The following ICE1 variants were observed in gnomAD, a reference collection of about 807,000 sequenced individuals.
ICE1 encodes the protein little elongation complex subunit 1.
A neutral mutation model predicts 192.7 loss-of-function variants in ICE1; 64 were observed. That is an observed-to-expected ratio of 0.33 (90% confidence interval 0.27 to 0.41). The LOEUF (loss-of-function observed/expected upper bound fraction) is 0.41, where lower values mean the gene tolerates loss of function less well. Ranked by LOEUF, ICE1 falls within the 10% of genes least tolerant of loss-of-function variation. The probability of loss-of-function intolerance (pLI) is 1.00; values close to 1 mark genes in which losing one functional copy is unlikely to be tolerated. For synonymous variants in ICE1, 1,010 were observed against 984.5 expected (o/e 1.03, Z -0.49); for missense variants, 2,708 against 2,696.0 (o/e 1.00, Z -0.10).
At chr5:5,438,362 C>G (rs1301547795) in intron 3 of ICE1, among the ~76,000 whole-genome samples, 1 of 152,184 alleles carries the variant, frequency 6.6e-6, no homozygotes, top group African/African-American at 2.4e-5. Flanking sequence ...ACCATATCAT[C>G]ATTTCTAATT....
At chr5:5,479,757 A>G (rs776526447) in intron 17 of ICE1, among the ~76,000 whole-genome samples, 10 of 152,230 alleles carry the variant, frequency 6.6e-5, no homozygotes, top group Non-Finnish European at 1.3e-4. Context: ...ATGGAATACT[A>G]TGCAGCCATA....
Position 5,468,904 on chromosome 5 carries a change from T to C in ICE1, c.6138T>C (p.Ile2046=), listed in dbSNP as rs750077791. 1.2e-6 allele frequency: 2 copies of C among 1,607,360 alleles called. No individual in the cohort carries two copies. Among genetic ancestry groups the C allele is most frequent in the Admixed American group, 1.7e-5 (1 of 58,710 alleles). The change falls in exon 15 of 19, where the codon ATT becomes ATC. Residue 2046 remains isoleucine, a synonymous_variant. Transcript: ENST00000296564. ...ATATATTTCTCTCTCAATCGGTGAT[T>C]AATAAAGCAATGCAGTTAGTTGCCA... is the stretch of plus-strand genomic sequence containing the variant. ...WHDIFLSQSV[I]NKAMQLVARQ...
At chr5:5,437,972 T>A (rs1737921247) in intron 3 of ICE1, 1 of 152,252 alleles carries the variant, frequency 6.6e-6, no homozygotes, top group African/African-American at 2.4e-5. Flanking sequence ...AGTTATTTAT[T>A]TGTGTTGGTA....
intron 14 of ICE1, among the ~76,000 whole-genome samples, chr5:5,468,028 A>G (rs572948853): frequency 1.3e-5 from 2 of 152,222 alleles, no homozygotes; most frequent in Non-Finnish European, 2.9e-5. Flanking sequence ...CAGCAGGTGA[A>G]TGGAAAACAT....
intron 15 of ICE1, among the ~76,000 whole-genome samples, chr5:5,473,294 T>C (rs1056070699): frequency 6.6e-6 from 1 of 152,238 alleles, no homozygotes; most frequent in African/African-American, 2.4e-5. Context: ...TGTGCTTTCC[T>C]ATCTGGATTA....
intron 10 of ICE1, among the ~76,000 whole-genome samples, chr5:5,448,674 T>C (rs1374463572): frequency 2.0e-5 from 3 of 152,238 alleles, no homozygotes; most frequent in Admixed American, 6.5e-5. Context: ...TTTCTCCAAG[T>C]GGAAATGATT....
At position 5,463,476 on chromosome 5, in the gene ICE1, C is replaced by G. The variant is rs865880584; in HGVS notation, c.4142C>G (p.Ser1381Cys). Reference sequence around the variant, plus strand: ...TGCTCTGACTCTGTGATGGAGCCATCCATAGAGCAAAGTTCTAACTGCGAG... The same window carrying G: ...TGCTCTGACTCTGTGATGGAGCCATGCATAGAGCAAAGTTCTAACTGCGAG... ...ALCSDSVMEPSIEQSSNCEAE... is the reference protein window; with the variant it reads ...ALCSDSVMEPCIEQSSNCEAE... The change falls in exon 13 of 19, where the codon TCC (serine) becomes TGC (cysteine). Residue 1381 changes from serine (S) to cysteine (C), a missense_variant. Physicochemically the swap from Ser to Cys is moderately radical, Grantham distance 112 (BLOSUM62 -1). Transcript: ENST00000296564. The G allele has an allele frequency of 6.8e-6, 11 of 1,612,724 alleles. No homozygotes were observed. The highest frequency in any genetic ancestry group is 9.3e-6 in the Non-Finnish European group (11 of 1,179,408).
intron 18 of ICE1, among the ~76,000 whole-genome samples, chr5:5,487,907 G>C (rs1293702902): frequency 6.6e-6 from 1 of 152,296 alleles, no homozygotes; most frequent in East Asian, 1.9e-4. Context: ...TGTCCTTCTT[G>C]TATACAGGAG....
At chr5:5,424,635 G>A (rs182115331) in intron 1 of ICE1, among the ~76,000 whole-genome samples, 1 of 152,192 alleles carries the variant, frequency 6.6e-6, no homozygotes, top group Non-Finnish European at 1.5e-5. Flanking sequence ...TTGATGAATT[G>A]AACAGAGATG....
In ICE1 at chr5:5,464,970, A is replaced by C. The variant is rs771200294; in HGVS notation, c.5636A>C (p.Glu1879Ala). ...CTCCCAGGGAACCTCCCTCCAGCTG[A>C]AGTTGCAACAACAAATGAGGAAAGA... is the stretch of plus-strand genomic sequence containing the variant. ...KNLPGNLPPAEVATTNEERSC... is the reference protein window; with the variant it reads ...KNLPGNLPPAAVATTNEERSC... The change falls in exon 13 of 19, where the codon GAA becomes GCA. Residue 1879 changes from glutamate to alanine, a missense_variant. Coordinates refer to ENST00000296564, the MANE Select transcript of ICE1 (RefSeq NM_015325.3). This position sits in a 1 kb window ranked among gnomAD's most constrained non-coding sequence, Gnocchi z 4.0. 3.1e-6 allele frequency: 5 copies of C among 1,613,818 alleles called. No individual in the cohort carries two copies. The highest frequency in any genetic ancestry group is 4.5e-5 in the East Asian group (2 of 44,876).
chr5:5,476,357 A>C (rs1293940126), intron 17 of ICE1, among the ~76,000 whole-genome samples: 1 of 152,160 alleles, frequency 6.6e-6, no homozygotes, highest in Non-Finnish European at 1.5e-5. Context: ...AAAGACTAGG[A>C]TATATAAGTC....
chr5:5,458,000 G>T (rs1242034475), intron 12 of ICE1, among the ~76,000 whole-genome samples: 1 of 152,128 alleles, frequency 6.6e-6, no homozygotes, highest in African/African-American at 2.4e-5. Context: ...GTTTTCTATA[G>T]GAAGGCTGTG....
rs1214308454 is a variant in ICE1, at chr5:5,425,501, A to G, written c.84+2502A>G. On this transcript the variant is annotated intron_variant, in intron 1 of 18. Transcript: ENST00000296564. ...AGTTTACAGAGTTCTTCTCTAGGTC[A>G]GGACACTATTGCATTTGGATTTTCT... Among the ~76,000 whole-genome samples, 5 of 152,248 alleles carry G rather than the reference A, an allele frequency of 3.3e-5. No homozygotes were observed. In the South Asian group the frequency reaches 6.2e-4, roughly 19 times the overall value.
chr5:5,483,353 A>G lies in ICE1; in HGVS notation c.6521-3368A>G, dbSNP rs185206705. On this transcript the variant is annotated intron_variant, in intron 17 of 18. Transcript: ENST00000296564. Reference sequence around the variant, plus strand: ...CTATTGAGATTTTTACTCCGTGGACAGTAAAACAAGCTTTAGGTCAGTGAG... The same window carrying G: ...CTATTGAGATTTTTACTCCGTGGACGGTAAAACAAGCTTTAGGTCAGTGAG... Among the ~76,000 whole-genome samples the G allele has an allele frequency of 3.7e-3, 564 of 152,344 alleles. 8 individuals are homozygous for G. The highest frequency in any genetic ancestry group is 0.013 in the African/African-American group (542 of 41,586).
chr5:5,447,700 A>G (rs1278428688), intron 8 of ICE1, 21 bp from the exon 9 acceptor site: 3 of 1,557,410 alleles, frequency 1.9e-6, no homozygotes, highest in Non-Finnish European at 1.7e-6. Context: ...CATAAACACT[A>G]TTAATATTTT....
rs1738101572 is a variant in ICE1, at chr5:5,443,205, A to C, written c.347A>C (p.Tyr116Ser). 1 of 1,516,058 alleles carries C rather than the reference A, an allele frequency of 6.6e-7. No individual in the cohort carries two copies. The highest frequency in any genetic ancestry group is 8.9e-7 in the Non-Finnish European group (1 of 1,128,532). 93.9% of individuals were successfully genotyped at this position (1,516,058 alleles called of 1,614,324 possible). The change falls in exon 6 of 19, where the codon TAT becomes TCT. Residue 116 changes from tyrosine to serine, a missense_variant. Transcript: ENST00000296564. ...LKLYQDTHQE[Y>S]ARVKEECLKS... ...TTGTATCAGGATACTCATCAGGAAT[A>C]TGCTCGTGTAAAGGAAGAATGCTTG...
In ICE1 at chr5:5,422,983, G is replaced by A; in HGVS notation, c.68G>A (p.Cys23Tyr). ...TAADLSRCQG[C>Y]ASLQQNLNEY... is the part of the protein sequence containing the mutation. Reference sequence around the variant, plus strand: ...GCGGACCTGTCGCGATGTCAGGGCTGCGCCTCTCTGCAGCAGGTGCAGCAC... The same window carrying A: ...GCGGACCTGTCGCGATGTCAGGGCTACGCCTCTCTGCAGCAGGTGCAGCAC... Residue 23 changes from cysteine (C) to tyrosine (Y), a missense_variant, in exon 1 of 19, where the codon TGC becomes TAC. By Grantham distance (194) the Cys-to-Tyr change is radical. Coordinates refer to ENST00000296564, the MANE Select transcript of ICE1 (RefSeq NM_015325.3). 2 of 1,449,370 alleles carry A rather than the reference G, an allele frequency of 1.4e-6. No homozygotes were observed. Among genetic ancestry groups the A allele is most frequent in the South Asian group, 2.7e-5 (2 of 74,618 alleles). 89.8% of individuals were successfully genotyped at this position (1,449,370 alleles called of 1,614,324 possible).
chr5:5,429,039 A>G (rs1284095598), intron 1 of ICE1, among the ~76,000 whole-genome samples: 1 of 152,198 alleles, frequency 6.6e-6, no homozygotes, highest in African/African-American at 2.4e-5. Flanking sequence ...GGGAAAAGGC[A>G]TATGGGGCAA....
At chr5:5,475,754 A>C (rs149161334) in intron 16 of ICE1, among the ~76,000 whole-genome samples, 24 of 152,234 alleles carry the variant, frequency 1.6e-4, no homozygotes, top group African/African-American at 5.8e-4. Context: ...AATTAGAACA[A>C]GATGCAAGCA....
Sources: gnomAD v4.1 joint callset for allele counts (sites outside exome capture counted in the v4.1 genomes callset) on GRCh38, gnomAD v4.1.1 for gene constraint, Gnocchi (gnomAD v3.1) non-coding constraint, MANE v1.5 for transcripts, NCBI Gene and HGNC (gene_info 2026-07-23, HGNC 2026-07-21) for gene names.